BEST1: variants seen among roughly 807,000 people sequenced by gnomAD.
The protein encoded by BEST1 is bestrophin 1.
BEST1 carries 58 observed loss-of-function variants against 63.3 expected under a neutral mutation model. The ratio of observed to expected loss-of-function variants is 0.92; its 90% CI spans 0.74 to 1.14. The LOEUF (loss-of-function observed/expected upper bound fraction) is 1.14, where lower values mean the gene tolerates loss of function less well. BEST1 is among the 50% of genes most tolerant of loss of function. The probability of loss-of-function intolerance (pLI) is 0.00; values close to 1 mark genes in which losing one functional copy is unlikely to be tolerated. For missense variants in BEST1, 671 were observed against 740.1 expected, an observed-to-expected ratio of 0.91 and a Z score of 1.08; for synonymous variants, 283 against 291.6, an observed-to-expected ratio of 0.97 and a Z score of 0.30.
rs1406277937 is a variant in BEST1 at position 61,958,231 on chromosome 11, A to G, written c.800A>G (p.His267Arg). The G allele has an allele frequency of 6.2e-7, 1 of 1,614,200 alleles. No individual in the cohort carries two copies. ...AACCCAGCCAAGGCCTACCCTGGCC[A>G]TGAGCTGGACCTCGTTGTGCCCGTC... Reference protein sequence around the residue: ...FLNPAKAYPGHELDLVVPVFT... With the variant: ...FLNPAKAYPGRELDLVVPVFT... Residue 267 changes from histidine (H) to arginine (R), a missense_variant, in exon 7 of 11, where the codon CAT becomes CGT. Transcript: ENST00000378043.
At chr11:61,965,317 C>A (rs1250453070), downstream of BEST1, 4 of 1,610,718 alleles carry the variant, frequency 2.5e-6, no homozygotes, top group South Asian at 1.1e-5. Context: ...ATTTCTGATA[C>A]CCGAACACTG....
At chr11:61,956,704 C>A in intron 4 of BEST1, 140 bp from the exon 5 acceptor site, 1 of 964,056 alleles carries the variant, frequency 1.0e-6, no homozygotes, top group Non-Finnish European at 1.7e-6. Flanking sequence ...AGAACAGCAC[C>A]TAGTAGGTGC....
At chr11:61,959,300 G>C in intron 7 of BEST1, 198 bp from the exon 8 acceptor site, 2 of 639,114 alleles carry the variant, frequency 3.1e-6, no homozygotes, top group Non-Finnish European at 5.7e-6. Context: ...GCTCAGAAGA[G>C]TTAGAGGGGC....
In BEST1 at chr11:61,962,262, A is replaced by G. The variant is rs767589777; in HGVS notation, c.1108A>G (p.Lys370Glu). 6.2e-6 allele frequency: 10 copies of G among 1,614,078 alleles called. No individual in the cohort carries two copies. Among genetic ancestry groups the G allele is most frequent in the Admixed American group, 3.3e-5 (2 of 60,016 alleles). ...MGSTFNISLNKEEMEFQPNQE... is the reference protein window; with the variant it reads ...MGSTFNISLNEEEMEFQPNQE... ...TCTCCTGTTTCTTTCCAGCCTGAAC[A>G]AAGAGGAGATGGAGTTCCAGCCCAA... Residue 370 changes from lysine (K) to glutamate (E), a missense_variant, in exon 10 of 11, where the codon AAA (lysine) becomes GAA (glutamate). Lys to Glu is a moderately conservative substitution (Grantham distance 56). Coordinates refer to ENST00000378043, the MANE Select transcript of BEST1 (RefSeq NM_004183.4).
chr11:61,956,617 G>A (rs936332170), intron 4 of BEST1, among the ~76,000 whole-genome samples: 1 of 152,064 alleles, frequency 6.6e-6, no homozygotes, highest in African/African-American at 2.4e-5. Context: ...AGATCGCACC[G>A]CTGCACTCCA....
chr11:61,958,497 T>C, intron 7 of BEST1, 199 bp downstream of exon 7: 1 of 1,428,508 alleles, frequency 7.0e-7, no homozygotes, highest in South Asian at 1.2e-5. Context: ...GAGGCGGAGG[T>C]TGTGGTGAGT....
chr11:61,962,350 A>G lies in BEST1; in HGVS notation c.1196A>G (p.His399Arg), dbSNP rs2134468608. The stretch of plus-strand genomic sequence containing the variant: ...GGCCGCTTCCTAGGCCTGCAGTCCC[A>G]TGATCACCATCCTCCCAGGGCAAAC... ...IIGRFLGLQSHDHHPPRANSR... is the reference protein window; with the variant it reads ...IIGRFLGLQSRDHHPPRANSR... Residue 399 changes from histidine to arginine, a missense_variant, in exon 10 of 11, where the codon CAT becomes CGT. Transcript: ENST00000378043. 1 of 1,614,210 alleles carries G rather than the reference A, an allele frequency of 6.2e-7. No individual in the cohort carries two copies. The highest frequency in any genetic ancestry group is 8.5e-7 in the Non-Finnish European group (1 of 1,180,032).
chr11:61,963,360 C>G, intron 10 of BEST1: 1 of 1,279,292 alleles, frequency 7.8e-7, no homozygotes. Flanking sequence ...GTGGCAGGAA[C>G]TGCCTCACTC....
chr11:61,962,940 A>G lies in BEST1; in HGVS notation c.1739+47A>G, dbSNP rs1354536256. Reference sequence around the variant, plus strand: ...GGGGCACTGCATTGCCCTGTGCCCCACCCCAGCTTCCCTTGCTCTGAGCCT... The same window carrying G: ...GGGGCACTGCATTGCCCTGTGCCCCGCCCCAGCTTCCCTTGCTCTGAGCCT... On this transcript the variant is annotated intron_variant, in intron 10 of 10. Coordinates refer to ENST00000378043, the MANE Select transcript of BEST1 (RefSeq NM_004183.4). 19 of 1,613,784 alleles carry G rather than the reference A, an allele frequency of 1.2e-5. No individual in the cohort carries two copies. The highest frequency in any genetic ancestry group is 1.6e-5 in the Non-Finnish European group (19 of 1,179,864).
intron 5 of BEST1, 125 bp from the exon 6 acceptor site, chr11:61,957,262 C>T: frequency 9.7e-7 from 1 of 1,027,216 alleles, no homozygotes; most frequent in African/African-American, 1.6e-5. Flanking sequence ...AGTGAGCTTC[C>T]CATGGCCACA....
rs1198096210 is a variant in BEST1, at chr11:61,955,702, C to T, written c.248-16C>T. 2 of 1,545,080 alleles carry T rather than the reference C, an allele frequency of 1.3e-6. No individual in the cohort carries two copies. The highest frequency in any genetic ancestry group is 2.3e-4 in the Middle Eastern group (1 of 4,368). Reference sequence around the variant, plus strand: ...GCCTGGCCCCTCGCCCCTCGCCCCCCGCCCCTCCTGCCCAGGCTTCTACGT... The same window carrying T: ...GCCTGGCCCCTCGCCCCTCGCCCCCTGCCCCTCCTGCCCAGGCTTCTACGT... On this transcript the variant is annotated splice_polypyrimidine_tract_variant and intron_variant, in intron 3 of 10. Transcript: ENST00000378043.
At chr11:61,955,691 C>G in intron 3 of BEST1, 27 bp from the exon 4 acceptor site, 1 of 1,514,914 alleles carries the variant, frequency 6.6e-7, no homozygotes, top group Non-Finnish European at 9.0e-7. Flanking sequence ...GGCCCCTCGC[C>G]CCTCGCCCCC....
At chr11:61,963,729 AG>A (rs2134477835) in intron 10 of BEST1, 2 of 1,151,142 alleles carry the variant, frequency 1.7e-6, no homozygotes, top group Non-Finnish European at 2.2e-6. Context: ...TGTTCAGCAA[AG>A]GATGTTAATA....
intron 8 of BEST1, 100 bp downstream of exon 8, chr11:61,959,678 C>A: frequency 2.9e-6 from 4 of 1,384,366 alleles, no homozygotes; most frequent in East Asian, 2.3e-5. Flanking sequence ...AGTGAATGAT[C>A]AACCCTTCCC....
intron 4 of BEST1, 84 bp from the exon 5 acceptor site, chr11:61,956,760 G>C: frequency 6.5e-7 from 1 of 1,550,146 alleles, no homozygotes; most frequent in Admixed American, 1.7e-5. Flanking sequence ...GCAAAGGAGT[G>C]CTGAGGTTCC....
In BEST1 at chr11:61,962,827, A is replaced by G; in HGVS notation, c.1673A>G (p.Gln558Arg). The change falls in exon 10 of 11, where the codon CAA (glutamine) becomes CGA (arginine). Residue 558 changes from glutamine (Q) to arginine (R), a missense_variant. By Grantham distance (43) the Gln-to-Arg change is conservative. Transcript: ENST00000378043. ...PENHLKEPLE[Q>R]SPTNIHTTLK... ...AATCACCTCAAAGAACCTTTGGAAC[A>G]ATCACCAACCAACATACACACTACA... 6.2e-7 allele frequency: 1 copy of G among 1,614,188 alleles called. No individual in the cohort carries two copies. The highest frequency in any genetic ancestry group is 8.5e-7 in the Non-Finnish European group (1 of 1,180,024).
intron 9 of BEST1, chr11:61,962,048 C>T (rs1942119467): frequency 1.6e-6 from 1 of 609,770 alleles, no homozygotes; most frequent in Admixed American, 2.9e-5. Context: ...AGGGAATCAA[C>T]AAACAGTGAG....
At chr11:61,964,519 G>A (rs1369465954), downstream of BEST1, 1 of 653,006 alleles carries the variant, frequency 1.5e-6, no homozygotes, top group Non-Finnish European at 2.6e-6. Context: ...CTGGAAGATA[G>A]CCTGGATAGA....
intron 8 of BEST1, 43 bp downstream of exon 8, chr11:61,959,621 A>T (rs771402930): frequency 6.2e-7 from 1 of 1,605,062 alleles, no homozygotes; most frequent in East Asian, 2.2e-5. Flanking sequence ...ACCTTCCCCA[A>T]AGTGGACCCA....
Sources: gnomAD v4.1 joint callset for allele counts (sites outside exome capture counted in the v4.1 genomes callset) on GRCh38, gnomAD v4.1.1 for gene constraint, MANE v1.5 for transcripts, NCBI Gene and HGNC (gene_info 2026-07-23, HGNC 2026-07-21) for gene names.